The following KLB variants were observed in gnomAD, a reference collection of about 807,000 sequenced individuals.
KLB encodes klotho beta.
In KLB, 44 loss-of-function variants were observed where a neutral mutation model predicts 88.4. The ratio of observed to expected loss-of-function variants is 0.50; its 90% CI spans 0.39 to 0.64. The LOEUF (loss-of-function observed/expected upper bound fraction) is 0.64, where lower values mean the gene tolerates loss of function less well. Ranked by LOEUF, KLB falls within the 30% of genes least tolerant of loss-of-function variation. The pLI is 0.00. For synonymous variants in KLB, 548 were observed against 513.4 expected (o/e 1.07, Z -0.91); for missense variants, 1,137 against 1,304.8 (o/e 0.87, Z 1.98).
rs1743747484 is a variant in KLB, at chr4:39,446,422, G to C, written c.1696G>C (p.Gly566Arg). 6.2e-7 allele frequency: 1 copy of C among 1,614,108 alleles called. No individual in the cohort carries two copies. Among genetic ancestry groups the C allele is most frequent in the Non-Finnish European group, 8.5e-7 (1 of 1,180,038 alleles). ...CAACAGACTGTTGCACCGAGTGGAAGGGGTGAGGCTGAAAACACGACCCGC... is the reference window on the plus strand; with the variant it reads ...CAACAGACTGTTGCACCGAGTGGAACGGGTGAGGCTGAAAACACGACCCGC... ...TGNRLLHRVE[G>R]VRLKTRPAQC... Residue 566 changes from glycine (G) to arginine (R), a missense_variant, in exon 4 of 5, where the codon GGG becomes CGG. Transcript: ENST00000257408. This position sits in a 1 kb window ranked among gnomAD's most constrained non-coding sequence, Gnocchi z 6.4.
At chr4:39,436,502 A>G (rs1743475489) in intron 2 of KLB, among the ~76,000 whole-genome samples, 1 of 152,182 alleles carries the variant, frequency 6.6e-6, no homozygotes, top group Admixed American at 6.5e-5. Flanking sequence ...CTAGAACCAG[A>G]GCCTGTTAAA....
intron 1 of KLB, among the ~76,000 whole-genome samples, chr4:39,433,657 C>T (rs546708200): frequency 2.0e-5 from 3 of 152,154 alleles, no homozygotes; most frequent in South Asian, 4.2e-4. Context: ...GTCAGGAGTT[C>T]CAGACCAGCC....
chr4:39,444,085 G>A (rs1293131205), intron 3 of KLB, among the ~76,000 whole-genome samples: 1 of 148,282 alleles, frequency 6.7e-6, no homozygotes, highest in Non-Finnish European at 1.5e-5. Flanking sequence ...TGAACCCGGG[G>A]GGCGGAGGTT....
rs186752106 is a variant in KLB, at chr4:39,432,052, C to T, written c.826-2158C>T. On this transcript the variant is annotated intron_variant, in intron 1 of 4. Coordinates refer to ENST00000257408, the MANE Select transcript of KLB (RefSeq NM_175737.4). ...CTGTAATCCCAGCACTTTGGGAGGC[C>T]GAGGTGTGTGGATCACCTGAGGTCA... Among the ~76,000 whole-genome samples the T allele has an allele frequency of 2.3e-3, 347 of 152,264 alleles. 3 individuals carry two copies. Among genetic ancestry groups the T allele is most frequent in the African/African-American group, 7.9e-3 (330 of 41,564 alleles).
At chr4:39,434,097 C>T (rs1306089379) in intron 1 of KLB, 113 bp from the exon 2 acceptor site, 1 of 1,019,996 alleles carries the variant, frequency 9.8e-7, no homozygotes, top group Admixed American at 2.5e-5. Flanking sequence ...GGCAGCTTTC[C>T]CCTGAATCAC....
chr4:39,427,595 A>C (rs1743249455), intron 1 of KLB, among the ~76,000 whole-genome samples: 1 of 152,218 alleles, frequency 6.6e-6, no homozygotes, highest in Non-Finnish European at 1.5e-5. Context: ...AAACTCAGGA[A>C]GCTGCAAACA....
chr4:39,411,683 C>A (rs1742853304), intron 1 of KLB, among the ~76,000 whole-genome samples: 1 of 151,810 alleles, frequency 6.6e-6, no homozygotes, highest in South Asian at 2.1e-4. Context: ...CTGCTCCTGG[C>A]CCTGGCTTGG....
Position 39,450,337 on chromosome 4 carries a change from TTC to T in KLB, c.*1653_*1654del, listed in dbSNP as rs1258657085. 1 of 152,240 alleles carries T rather than the reference TTC, an allele frequency of 6.6e-6. No individual in the cohort carries two copies. The highest frequency in any genetic ancestry group is 2.4e-5 in the African/African-American group (1 of 41,468). The allele number at this position is 152,240 out of a possible 1,614,324, so 9.4% of individuals were successfully genotyped here. On this transcript the variant is annotated 3_prime_UTR_variant, in exon 5 of 5. Transcript: ENST00000257408. ...ACCTTAACAGTCACAAGAGACGTTCTTCTGTTACAAAGCCTTAGTAAATTAAG... is the reference window on the plus strand; with the variant it reads ...ACCTTAACAGTCACAAGAGACGTTCTTGTTACAAAGCCTTAGTAAATTAAG...
Position 39,446,777 on chromosome 4 carries a change from T to G in KLB, c.2051T>G (p.Leu684Arg). The change falls in exon 4 of 5, where the codon CTG becomes CGG. Residue 684 changes from leucine to arginine, a missense_variant. By Grantham distance (102) the Leu-to-Arg change is moderately radical. Coordinates refer to ENST00000257408, the MANE Select transcript of KLB (RefSeq NM_175737.4). This position sits in a 1 kb window ranked among gnomAD's most constrained non-coding sequence, Gnocchi z 6.4. Reference protein sequence around the residue: ...AGLCFQELGDLVKLWITINEP... With the variant: ...AGLCFQELGDRVKLWITINEP... ...CTGTGCTTCCAGGAGCTGGGGGACC[T>G]GGTGAAGCTCTGGATCACCATCAAC... The G allele has an allele frequency of 2.5e-6, 4 of 1,609,732 alleles. No homozygotes were observed. The highest frequency in any genetic ancestry group is 3.4e-6 in the Non-Finnish European group (4 of 1,178,150).
chr4:39,448,265 C>T, intron 4 of KLB, 36 bp from the exon 5 acceptor site: 1 of 1,455,848 alleles, frequency 6.9e-7, no homozygotes, highest in Non-Finnish European at 9.3e-7. Flanking sequence ...CTTCATAGTC[C>T]ATTTGTGATT....
rs535077449 is a variant in KLB at position 39,449,610 on chromosome 4, A to G, written c.*924A>G. 2.6e-5 allele frequency: 4 copies of G among 152,186 alleles called. No individual in the cohort carries two copies. The highest frequency in any genetic ancestry group is 4.8e-5 in the African/African-American group (2 of 41,446). 9.4% of individuals were successfully genotyped at this position (152,186 alleles called of 1,614,324 possible). A position where few individuals can be genotyped will look rare whatever the true frequency, so the allele number is the denominator to read the frequency against. ...TAGAATATCTAATTTGTGATCTTTT[A>G]CTAGATCTGATTTTTTAAAATAATG... On this transcript the variant is annotated 3_prime_UTR_variant, in exon 5 of 5. Coordinates refer to ENST00000257408, the MANE Select transcript of KLB (RefSeq NM_175737.4).
intron 1 of KLB, among the ~76,000 whole-genome samples, chr4:39,427,010 G>A (rs1743232901): frequency 6.6e-6 from 1 of 152,244 alleles, no homozygotes; most frequent in South Asian, 2.1e-4. Flanking sequence ...ACTGCAGCAT[G>A]GATGAATGAA....
In KLB at chr4:39,407,115, G is replaced by A. The variant is rs138076201; in HGVS notation, c.166G>A (p.Asp56Asn). ...ACGAGCTGTTACTGGATTCTCTGGA[G>A]ATGGAAGAGCTATATGGTCTAAAAA... ...LLRAVTGFSG[D>N]GRAIWSKNPN... Residue 56 changes from aspartate to asparagine, a missense_variant, in exon 1 of 5, where the codon GAT (aspartate) becomes AAT (asparagine). By Grantham distance (23) the Asp-to-Asn change is conservative (BLOSUM62 1). Around this residue, in one of 4 missense-constraint regions of KLB, gnomAD observed 111 missense variants for 118.3 expected, o/e 0.94. Coordinates refer to ENST00000257408, the MANE Select transcript of KLB (RefSeq NM_175737.4). 1.0e-4 allele frequency: 163 copies of A among 1,614,188 alleles called. No homozygotes were observed. In the African/African-American group the frequency reaches 1.9e-3, roughly 19 times the overall value.
In KLB at chr4:39,446,844, C is replaced by A; in HGVS notation, c.2118C>A (p.Asn706Lys). The change falls in exon 4 of 5, where the codon AAC becomes AAA. Residue 706 changes from asparagine to lysine, a missense_variant. By Grantham distance (94) the Asn-to-Lys change is moderately conservative. This residue lies in a region of KLB where 597 missense variants were observed against 765.2 expected (regional missense o/e 0.78). Coordinates refer to ENST00000257408, the MANE Select transcript of KLB (RefSeq NM_175737.4). This position sits in a 1 kb window ranked among gnomAD's most constrained non-coding sequence, Gnocchi z 6.4. ...RLSDIYNRSG[N>K]DTYGAAHNLL... Reference sequence around the variant, plus strand: ...GTGACATCTACAACCGCTCTGGCAACGACACCTACGGGGCGGCGCACAACC... The same window carrying A: ...GTGACATCTACAACCGCTCTGGCAAAGACACCTACGGGGCGGCGCACAACC... 6.2e-7 allele frequency: 1 copy of A among 1,612,112 alleles called. No individual in the cohort carries two copies. Among genetic ancestry groups the A allele is most frequent in the Non-Finnish European group, 8.5e-7 (1 of 1,179,966 alleles).
In KLB at chr4:39,427,650, A is replaced by G. The variant is rs549013885; in HGVS notation, c.826-6560A>G. ...TTCAGCCACGAGCCTTGGCAAGTAA[A>G]GGCTTGGGAGCTATTTGCAGAACAC... On this transcript the variant is annotated intron_variant, in intron 1 of 4. Transcript: ENST00000257408. 1.1e-4 allele frequency among the ~76,000 whole-genome samples: 16 copies of G among 152,312 alleles called. No homozygotes were observed. In the East Asian group the frequency reaches 3.1e-3, roughly 29 times the overall value.
intron 1 of KLB, among the ~76,000 whole-genome samples, chr4:39,412,421 T>A (rs1230907349): frequency 6.6e-6 from 1 of 152,140 alleles, no homozygotes; most frequent in Non-Finnish European, 1.5e-5. Context: ...GGATAAAGTC[T>A]CAATTTTTCA....
chr4:39,410,980 G>A (rs1320900950), intron 1 of KLB, among the ~76,000 whole-genome samples: 1 of 152,142 alleles, frequency 6.6e-6, no homozygotes, highest in Non-Finnish European at 1.5e-5. Flanking sequence ...ACCTTAATGC[G>A]GGTCTAAGAC....
At chr4:39,432,111 G>GC (rs1294947985) in intron 1 of KLB, among the ~76,000 whole-genome samples, 7 of 152,004 alleles carry the variant, frequency 4.6e-5, no homozygotes, top group Non-Finnish European at 7.4e-5. Flanking sequence ...ACATGGTGGA[G>GC]CCCCACCTCT....
rs778983065 is a variant in KLB at position 39,407,144 on chromosome 4, T to C, written c.195T>C (p.Pro65=). Residue 65 remains proline, a synonymous_variant, in exon 1 of 5, where the codon CCT becomes CCC. Coordinates refer to ENST00000257408, the MANE Select transcript of KLB (RefSeq NM_175737.4). The stretch of plus-strand genomic sequence containing the variant: ...GAAGAGCTATATGGTCTAAAAATCC[T>C]AATTTTACTCCGGTAAATGAAAGTC... The part of the protein sequence containing the change: ...GDGRAIWSKN[P]NFTPVNESQL... The C allele has an allele frequency of 6.2e-7, 1 of 1,614,208 alleles. No homozygotes were observed. The highest frequency in any genetic ancestry group is 8.5e-7 in the Non-Finnish European group (1 of 1,180,002).
Sources: gnomAD v4.1 joint callset for allele counts (sites outside exome capture counted in the v4.1 genomes callset) on GRCh38, gnomAD v4.1.1 for gene constraint, gnomAD v4.1.1 regional missense constraint, Gnocchi (gnomAD v3.1) non-coding constraint, MANE v1.5 for transcripts, NCBI Gene and HGNC (gene_info 2026-07-23, HGNC 2026-07-21) for gene names.